Variants in NRXN1 observed in about 807,000 individuals in gnomAD.
NRXN1 encodes neurexin 1.
NRXN1 carries 39 observed loss-of-function variants against 150.9 expected under a neutral mutation model. That is an observed-to-expected ratio of 0.26 (90% CI 0.20 to 0.34). The LOEUF (loss-of-function observed/expected upper bound fraction) is 0.34, where lower values mean the gene tolerates loss of function less well. Among genes scored for constraint, NRXN1 ranks in the 10% least tolerant of loss-of-function variants. NRXN1 has a pLI of 1.00. For synonymous variants in NRXN1, 924 were observed against 757.0 expected, an observed-to-expected ratio of 1.22 and a Z score of -3.62; for missense variants, 1,815 against 1,949.9, an observed-to-expected ratio of 0.93 and a Z score of 1.30.
rs564525085 is a variant in NRXN1 at position 51,018,213 on chromosome 2, G to A, written c.772+9289C>T. On this transcript the variant is annotated intron_variant, in intron 2 of 22. Coordinates refer to ENST00000401669, the MANE Select transcript of NRXN1 (RefSeq NM_001330078.2). ...ATTAAATGAAGAAAGCCCTTCTGAT[G>A]TCAGGATATTAGTGAAGCAACTGTT... 3.3e-5 allele frequency among the ~76,000 whole-genome samples: 5 copies of A among 152,230 alleles called. No individual in the cohort carries two copies. In the East Asian group the frequency reaches 9.7e-4, roughly 30 times the overall value.
At chr2:50,217,130 A>C (rs2152851830) in intron 18 of NRXN1, among the ~76,000 whole-genome samples, 1 of 152,188 alleles carries the variant, frequency 6.6e-6, no homozygotes, top group African/African-American at 2.4e-5. Context: ...ATTGTAGCAA[A>C]GCAGATGTAG....
At chr2:50,868,116 A>G (rs1677197419) in intron 5 of NRXN1, among the ~76,000 whole-genome samples, 2 of 139,010 alleles carry the variant, frequency 1.4e-5, no homozygotes, top group East Asian at 2.2e-4. Flanking sequence ...TGTGTCCATC[A>G]CTGGATGAAT....
At chr2:50,892,624 A>T (rs1681242999) in intron 5 of NRXN1, among the ~76,000 whole-genome samples, 1 of 152,164 alleles carries the variant, frequency 6.6e-6, no homozygotes, top group Admixed American at 6.5e-5. Flanking sequence ...TTGACATGGA[A>T]TTCTTAAACC....
chr2:50,032,179 A>G (rs1457664581), intron 21 of NRXN1, among the ~76,000 whole-genome samples: 1 of 152,098 alleles, frequency 6.6e-6, no homozygotes, highest in East Asian at 1.9e-4. Context: ...AAATATACTG[A>G]AAGTCTGGTG....
intron 17 of NRXN1, among the ~76,000 whole-genome samples, chr2:50,395,825 T>C (rs898747064): frequency 6.6e-6 from 1 of 152,112 alleles, no homozygotes; most frequent in Non-Finnish European, 1.5e-5. Flanking sequence ...GAAATTTGCA[T>C]CCTTGCCTTT....
At chr2:50,589,222 G>C (rs575425364) in intron 8 of NRXN1, 1 of 152,508 alleles carries the variant, frequency 6.6e-6, no homozygotes, top group African/African-American at 2.4e-5. Context: ...TGATTAGGAC[G>C]GATCAGACAA....
chr2:50,719,693 A>C lies in NRXN1; in HGVS notation c.833-96078T>G, dbSNP rs541918147. Reference sequence around the variant, plus strand: ...TCTGTCTAAAAAAAACAAAAACAACAACAACAACAATAACAACAATCATTT... The same window carrying C: ...TCTGTCTAAAAAAAACAAAAACAACCACAACAACAATAACAACAATCATTT... On this transcript the variant is annotated intron_variant, in intron 5 of 22. Transcript: ENST00000401669. 3.9e-5 allele frequency among the ~76,000 whole-genome samples: 6 copies of C among 152,232 alleles called. No individual in the cohort carries two copies. In the South Asian group the frequency reaches 1.0e-3, roughly 26 times the overall value.
chr2:50,814,867 C>A (rs921426380), intron 5 of NRXN1, among the ~76,000 whole-genome samples: 6 of 152,140 alleles, frequency 3.9e-5, no homozygotes, highest in African/African-American at 7.2e-5. Flanking sequence ...TGGACACCAT[C>A]TGTTTGATTC....
chr2:50,877,745 A>C (rs1678821854), intron 5 of NRXN1, among the ~76,000 whole-genome samples: 1 of 151,904 alleles, frequency 6.6e-6, no homozygotes, highest in South Asian at 2.1e-4. Context: ...GCTTCACAAT[A>C]ATATTCTACT....
intron 21 of NRXN1, among the ~76,000 whole-genome samples, chr2:50,047,710 G>GTTT (rs5831071): frequency 1.3e-5 from 2 of 150,188 alleles, no homozygotes; most frequent in African/African-American, 4.9e-5. Flanking sequence ...TCCTTCCTCT[G>GTTT]TTTTTTTTTC....
chr2:49,994,508 A>T (rs1177563856), intron 21 of NRXN1, among the ~76,000 whole-genome samples: 2 of 152,176 alleles, frequency 1.3e-5, no homozygotes, highest in Non-Finnish European at 2.9e-5. Flanking sequence ...ACACCCATGG[A>T]TTCCTGAAGG....
intron 5 of NRXN1, among the ~76,000 whole-genome samples, chr2:50,798,612 G>T (rs1707166841): frequency 1.3e-5 from 2 of 152,100 alleles, no homozygotes; most frequent in Non-Finnish European, 2.9e-5. Flanking sequence ...CATTCTCCCT[G>T]CAATATAAAG....
intron 8 of NRXN1, chr2:50,616,489 T>C (rs1192166789): frequency 6.6e-6 from 1 of 152,206 alleles, no homozygotes; most frequent in Non-Finnish European, 1.5e-5. Context: ...TTTCCTTTTT[T>C]TTCTTTAATC....
chr2:50,401,250 T>C (rs898003982), intron 17 of NRXN1, among the ~76,000 whole-genome samples: 1 of 152,184 alleles, frequency 6.6e-6, no homozygotes, highest in African/African-American at 2.4e-5. Flanking sequence ...TTAAAATCTA[T>C]ACCTTAAGAT....
intron 17 of NRXN1, among the ~76,000 whole-genome samples, chr2:50,266,162 G>A (rs2068843411): frequency 6.7e-6 from 1 of 149,146 alleles, no homozygotes; most frequent in South Asian, 2.1e-4. Flanking sequence ...CAACGCCCAG[G>A]TAATTTTTGT....
chr2:50,159,833 T>C (rs1211949083), intron 18 of NRXN1, among the ~76,000 whole-genome samples: 1 of 152,166 alleles, frequency 6.6e-6, no homozygotes, highest in East Asian at 1.9e-4. Flanking sequence ...TATTATTTAA[T>C]AATACTGGAG....
chr2:50,684,049 A>T (rs2104822917), intron 5 of NRXN1, among the ~76,000 whole-genome samples: 1 of 152,148 alleles, frequency 6.6e-6, no homozygotes, highest in South Asian at 2.1e-4. Flanking sequence ...CTTTTAGTTA[A>T]GATAGGTTAC....
At chr2:50,635,220 C>T (rs540179458) in intron 5 of NRXN1, among the ~76,000 whole-genome samples, 16 of 151,652 alleles carry the variant, frequency 1.1e-4, no homozygotes, top group East Asian at 1.9e-4. Flanking sequence ...TGCAGTGGCG[C>T]GATCTCAGCT....
At chr2:50,718,242 A>G (rs1357949577) in intron 5 of NRXN1, among the ~76,000 whole-genome samples, 3 of 152,160 alleles carry the variant, frequency 2.0e-5, no homozygotes, top group Middle Eastern at 3.2e-3. Flanking sequence ...ACATATAAAC[A>G]TGGGTATGTT....
Sources: gnomAD v4.1 joint callset for allele counts (sites outside exome capture counted in the v4.1 genomes callset) on GRCh38, gnomAD v4.1.1 for gene constraint, MANE v1.5 for transcripts, NCBI Gene and HGNC (gene_info 2026-07-23, HGNC 2026-07-21) for gene names.